The following DCAF8L2 variants were observed in gnomAD, a reference collection of about 807,000 sequenced individuals.
DCAF8L2 encodes the protein DDB1- and CUL4-associated factor 8-like protein 2.
For synonymous variants in DCAF8L2, 200 were observed against 190.9 expected (o/e 1.05, Z -0.39); for missense variants, 430 against 490.7 (o/e 0.88, Z 1.17).
At chrX:27,627,869 G>A in intron 1 of DCAF8L2, among the ~76,000 whole-genome samples, 1 of 107,973 alleles carries the variant, frequency 9.3e-6, no homozygotes, top group East Asian at 2.9e-4. Flanking sequence ...ACTCTAGTCT[G>A]GTGACAGAGC....
At position 27,629,833 on chromosome X, in the gene DCAF8L2, T is replaced by C. The variant is rs143160276; in HGVS notation, c.-341-2046T>C. ...CATATGAATTTTAGGATTGTTTTCC[T>C]ATGTCTGTAAAAAAATGCCATTGGA... On this transcript the variant is annotated intron_variant, in intron 1 of 4. Coordinates refer to ENST00000451261, the MANE Select transcript of DCAF8L2 (RefSeq NM_001353450.2). Among the ~76,000 whole-genome samples, 502 of 111,876 alleles carry C rather than the reference T, an allele frequency of 4.5e-3. 7 individuals are homozygous for C. Among genetic ancestry groups the C allele is most frequent in the Admixed American group, 0.033 (343 of 10,466 alleles).
chrX:27,679,661 G>A (rs1389756495), intron 3 of DCAF8L2, among the ~76,000 whole-genome samples: 1 of 111,404 alleles, frequency 9.0e-6, no homozygotes, highest in Non-Finnish European at 1.9e-5. Context: ...ACTTGGTAAA[G>A]CAGGCCTGAC....
intron 2 of DCAF8L2, among the ~76,000 whole-genome samples, chrX:27,640,744 A>G (rs1192288280): frequency 8.9e-6 from 1 of 111,970 alleles, no homozygotes; most frequent in Non-Finnish European, 1.9e-5. Context: ...TCTGCCCTTC[A>G]TATTTTCAGT....
chrX:27,533,174 GAA>G, the DCAF8L2 span, among the ~76,000 whole-genome samples: 49 of 14,596 alleles, frequency 3.4e-3, no homozygotes, highest in East Asian at 0.014. Flanking sequence ...GAGAAAGAAA[GAA>G]AGAAAGAAAG....
intron 4 of DCAF8L2, among the ~76,000 whole-genome samples, chrX:27,716,837 G>A (rs997967326): frequency 9.0e-6 from 1 of 111,610 alleles, no homozygotes; most frequent in African/African-American, 3.3e-5. Context: ...CATCACCTAG[G>A]TATTAAGCCC....
intron 3 of DCAF8L2, among the ~76,000 whole-genome samples, chrX:27,683,821 G>A (rs1305673294): frequency 8.9e-6 from 1 of 111,957 alleles, no homozygotes; most frequent in Non-Finnish European, 1.9e-5. Flanking sequence ...TTCCCCAGGA[G>A]GATCGTGCTG....
intron 2 of DCAF8L2, among the ~76,000 whole-genome samples, chrX:27,674,141 T>C (rs1930060901): frequency 1.8e-5 from 2 of 111,564 alleles, no homozygotes; most frequent in Admixed American, 9.6e-5. Context: ...TTTCCACTTA[T>C]TATGTTGAGT....
At chrX:27,559,551 T>C in the DCAF8L2 span, among the ~76,000 whole-genome samples, 33 of 111,812 alleles carry the variant, frequency 3.0e-4, no homozygotes, top group East Asian at 5.1e-3. Flanking sequence ...TGAACAATCA[T>C]TGGCTGCAGT....
chrX:27,712,887 A>C (rs1053577496), intron 3 of DCAF8L2, among the ~76,000 whole-genome samples: 4 of 112,117 alleles, frequency 3.6e-5, no homozygotes, highest in African/African-American at 1.3e-4. Flanking sequence ...GTTTCTATAG[A>C]GATAGACTGT....
At chrX:27,668,232 C>T (rs1929811730) in intron 2 of DCAF8L2, among the ~76,000 whole-genome samples, 1 of 111,811 alleles carries the variant, frequency 8.9e-6, no homozygotes. Flanking sequence ...CTACATACAT[C>T]CTGCCAGCTA....
rs778815167 is a variant in DCAF8L2 at position 27,747,671 on chromosome X, G to C, written c.776G>C (p.Arg259Pro). The change falls in exon 5 of 5, where the codon CGG (arginine) becomes CCG (proline). Residue 259 changes from arginine (R) to proline (P), a missense_variant. By Grantham distance (103) the Arg-to-Pro change is moderately radical. Coordinates refer to ENST00000451261, the MANE Select transcript of DCAF8L2 (RefSeq NM_001353450.2). ...AAGGTGATAGTGTGGGACTGGGTGC[G>C]GCAGAGGCCAGTACTGAACTTTGAA... ...DLKVIVWDWV[R>P]QRPVLNFESG... 4 of 1,209,103 alleles carry C rather than the reference G, an allele frequency of 3.3e-6. No homozygotes were observed. The African/African-American group carries it at 7.0e-5, about 21-fold the overall frequency.
chrX:27,521,859 A>G, the DCAF8L2 span, among the ~76,000 whole-genome samples: 1 of 112,191 alleles, frequency 8.9e-6, no homozygotes, highest in Non-Finnish European at 1.9e-5. Context: ...TGTAAATTAA[A>G]TGGATTAATG....
intron 1 of DCAF8L2, among the ~76,000 whole-genome samples, chrX:27,615,171 G>T (rs1372570343): frequency 2.7e-5 from 3 of 111,475 alleles, no homozygotes; most frequent in Admixed American, 9.6e-5. Context: ...CTCTAAAAAG[G>T]AATTAATGAA....
rs200718182 is a variant in DCAF8L2 at position 27,606,358 on chromosome X, A to AATATATATATATAT, written c.-342+15929_-342+15942dup. On this transcript the variant is annotated intron_variant, in intron 1 of 4. Coordinates refer to ENST00000451261, the MANE Select transcript of DCAF8L2 (RefSeq NM_001353450.2). ...TATAGGAATTATATATATATCTAGG[A>AATATATATATATAT]ATATATATATATATATATATATATT... 1.8e-3 allele frequency among the ~76,000 whole-genome samples: 71 copies of AATATATATATATAT among 39,748 alleles called. 2 individuals are homozygous for AATATATATATATAT. The highest frequency in any genetic ancestry group is 0.01 in the African/African-American group (55 of 5,398). The allele number at this position is 39,748 out of a possible 115,157, so 34.5% of individuals were successfully genotyped here. A position where few individuals can be genotyped will look rare whatever the true frequency, so the allele number is the denominator to read the frequency against.
the DCAF8L2 span, among the ~76,000 whole-genome samples, chrX:27,552,378 A>G: frequency 9.0e-6 from 1 of 111,239 alleles, no homozygotes; most frequent in African/African-American, 3.3e-5. Flanking sequence ...TGCTCAGACA[A>G]ATTTATATAG....
At chrX:27,692,186 G>A (rs941302564) in intron 3 of DCAF8L2, among the ~76,000 whole-genome samples, 4 of 111,631 alleles carry the variant, frequency 3.6e-5, no homozygotes, top group Admixed American at 1.9e-4. Flanking sequence ...ACCTACCTAC[G>A]TTTACTACAA....
chrX:27,519,680 G>A, the DCAF8L2 span: 6 of 596,741 alleles, frequency 1.0e-5, no homozygotes, highest in Non-Finnish European at 1.8e-5. Flanking sequence ...GAGGAAGAAC[G>A]TGTAACAGAA....
At chrX:27,505,251 G>A in the DCAF8L2 span, among the ~76,000 whole-genome samples, 2 of 110,995 alleles carry the variant, frequency 1.8e-5, no homozygotes, top group East Asian at 5.7e-4. Flanking sequence ...CCCTAGATAC[G>A]AACCCATAGA....
Position 27,749,817 on chromosome X carries a change from A to G in DCAF8L2, c.*1026A>G, listed in dbSNP as rs756559381. On this transcript the variant is annotated 3_prime_UTR_variant, in exon 5 of 5. Transcript: ENST00000451261. The stretch of plus-strand genomic sequence containing the variant: ...GAAAAATCCTATTTGACATCCTCAC[A>G]TTGCTTAAAATTCTCTCTGCTGTTT... Among the ~76,000 whole-genome samples, 16 of 112,578 alleles carry G rather than the reference A, an allele frequency of 1.4e-4. No homozygotes were observed. The Middle Eastern group carries it at 0.019, about 132-fold the overall frequency.
Sources: gnomAD v4.1 joint callset for allele counts (sites outside exome capture counted in the v4.1 genomes callset) on GRCh38, gnomAD v4.1.1 for gene constraint, MANE v1.5 for transcripts, NCBI Gene and HGNC (gene_info 2026-07-23, HGNC 2026-07-21) for gene names.